The following SHISA6 variants were observed in gnomAD, a reference collection of about 807,000 sequenced individuals.
SHISA6 encodes shisa family member 6.
A neutral mutation model predicts 47.9 loss-of-function variants in SHISA6; 22 were observed. That is an observed-to-expected ratio of 0.46 (90% CI 0.33 to 0.66). SHISA6 has a LOEUF of 0.66. Among genes scored for constraint, SHISA6 ranks in the 30% least tolerant of loss-of-function variants. The pLI, the probability that SHISA6 is intolerant of heterozygous loss-of-function variation, is 0.02. For synonymous variants in SHISA6, 388 were observed against 337.8 expected (o/e 1.15, Z -1.63); for missense variants, 680 against 764.6 (o/e 0.89, Z 1.30).
At chr17:11,538,490 A>G (rs546445377) in intron 3 of SHISA6, among the ~76,000 whole-genome samples, 72 of 152,242 alleles carry the variant, frequency 4.7e-4, no homozygotes, top group Non-Finnish European at 9.0e-4. Context: ...GCAGAAGGAA[A>G]CCAGTCCGTG....
intron 2 of SHISA6, among the ~76,000 whole-genome samples, chr17:11,361,055 T>G (rs965082485): frequency 4.6e-4 from 40 of 86,682 alleles, no homozygotes; most frequent in East Asian, 1.6e-3. Flanking sequence ...GTTTTTTTTT[T>G]TGTGTGTGTG....
intron 3 of SHISA6, among the ~76,000 whole-genome samples, chr17:11,468,620 A>G (rs1029848068): frequency 2.0e-5 from 3 of 152,198 alleles, no homozygotes; most frequent in African/African-American, 7.2e-5. Flanking sequence ...CCCGATTCTC[A>G]CTGGAGAGAA....
At chr17:11,418,920 T>C (rs1411352611) in intron 3 of SHISA6, among the ~76,000 whole-genome samples, 2 of 152,192 alleles carry the variant, frequency 1.3e-5, no homozygotes, top group African/African-American at 4.8e-5. Context: ...TGCCTGTCTT[T>C]CCATTCCTCT....
chr17:11,260,779 C>T lies in SHISA6; in HGVS notation c.639-2587C>T, dbSNP rs564619201. On this transcript the variant is annotated intron_variant, in intron 1 of 5. Coordinates refer to ENST00000441885, the MANE Select transcript of SHISA6 (RefSeq NM_207386.4). ...CTTGGCTCCATCTCCCATTTCTCTC[C>T]TCTCTCCACCTGTTTTCTCTCCTCT... Among the ~76,000 whole-genome samples the T allele has an allele frequency of 7.2e-5, 11 of 152,114 alleles. No homozygotes were observed. In the East Asian group the frequency reaches 1.2e-3, roughly 16 times the overall value.
chr17:11,298,647 T>C (rs1909828168), intron 2 of SHISA6, among the ~76,000 whole-genome samples: 4 of 152,068 alleles, frequency 2.6e-5, no homozygotes, highest in Admixed American at 2.6e-4. Context: ...AGTGTTGCAG[T>C]GGGGTGTTTG....
At chr17:11,462,850 A>T (rs1046368100) in intron 3 of SHISA6, among the ~76,000 whole-genome samples, 2 of 152,160 alleles carry the variant, frequency 1.3e-5, no homozygotes, top group African/African-American at 4.8e-5. Context: ...CTGGTCTCGA[A>T]CTTCTGACTT....
chr17:11,243,818 C>T (rs779360485), intron 1 of SHISA6, among the ~76,000 whole-genome samples: 4 of 152,152 alleles, frequency 2.6e-5, no homozygotes, highest in East Asian at 1.9e-4. Flanking sequence ...TGACCACAGC[C>T]GCTTGCTCGT....
chr17:11,545,669 A>C (rs373553541), intron 3 of SHISA6, among the ~76,000 whole-genome samples: 1 of 152,210 alleles, frequency 6.6e-6, no homozygotes, highest in Non-Finnish European at 1.5e-5. Context: ...GCCAAGTTCA[A>C]TAGAGATGGC....
At chr17:11,303,602 G>C (rs1910003474) in intron 2 of SHISA6, among the ~76,000 whole-genome samples, 1 of 152,116 alleles carries the variant, frequency 6.6e-6, no homozygotes, top group South Asian at 2.1e-4. Context: ...CTGTAGGAGA[G>C]CCACACAGAA....
chr17:11,396,192 G>A (rs1238981631), intron 3 of SHISA6, among the ~76,000 whole-genome samples: 1 of 152,052 alleles, frequency 6.6e-6, no homozygotes, highest in Admixed American at 6.6e-5. Context: ...AATTTAAATG[G>A]ATTTCCTAAT....
chr17:11,378,595 C>G (rs1912896753), intron 2 of SHISA6, among the ~76,000 whole-genome samples: 1 of 152,162 alleles, frequency 6.6e-6, no homozygotes, highest in Non-Finnish European at 1.5e-5. Flanking sequence ...AAGCGTACTG[C>G]AAAATCCTAT....
intron 2 of SHISA6, among the ~76,000 whole-genome samples, chr17:11,350,166 A>ATTTTTT (rs1567581064): frequency 1.8e-5 from 2 of 110,908 alleles, no homozygotes; most frequent in African/African-American, 7.3e-5. Flanking sequence ...TAATTTATTT[A>ATTTTTT]TTTATTTATT....
chr17:11,261,114 A>AG (rs971072788), intron 1 of SHISA6, among the ~76,000 whole-genome samples: 2 of 126,940 alleles, frequency 1.6e-5, no homozygotes, highest in African/African-American at 3.0e-5. Context: ...CAGAGCAAGG[A>AG]GGGGGGTCAC....
chr17:11,347,609 A>G (rs1051149865), intron 2 of SHISA6, among the ~76,000 whole-genome samples: 1 of 152,238 alleles, frequency 6.6e-6, no homozygotes, highest in Non-Finnish European at 1.5e-5. Context: ...GCCTAAGGTC[A>G]AATAGAAAGT....
At chr17:11,411,370 A>G (rs912215643) in intron 3 of SHISA6, among the ~76,000 whole-genome samples, 3 of 151,664 alleles carry the variant, frequency 2.0e-5, no homozygotes, top group African/African-American at 7.3e-5. Context: ...AGGCCCACAT[A>G]TTTATTTTAT....
chr17:11,490,744 T>A (rs779279053), intron 3 of SHISA6, among the ~76,000 whole-genome samples: 2 of 152,180 alleles, frequency 1.3e-5, no homozygotes, highest in Admixed American at 6.5e-5. Context: ...TCCTCCAGAT[T>A]GTGTGTAAAG....
At chr17:11,306,066 A>G (rs1310388924) in intron 2 of SHISA6, among the ~76,000 whole-genome samples, 1 of 152,186 alleles carries the variant, frequency 6.6e-6, no homozygotes, top group Non-Finnish European at 1.5e-5. Context: ...GAAGACCTGA[A>G]AAAATAGCTC....
At position 11,276,968 on chromosome 17, in the gene SHISA6, C is replaced by T. The variant is rs375945764; in HGVS notation, c.799+13442C>T. Among the ~76,000 whole-genome samples, 78 of 152,160 alleles carry T rather than the reference C, an allele frequency of 5.1e-4. 1 individual carries two copies. In the Middle Eastern group the frequency reaches 0.01, roughly 20 times the overall value. On this transcript the variant is annotated intron_variant, in intron 2 of 5. Transcript: ENST00000441885. ...TTCAGGATTTATTTGTAGGTATTTG[C>T]TAATGGATTGTATGGAGGGTACGAG... is the stretch of plus-strand genomic sequence containing the variant.
intron 2 of SHISA6, among the ~76,000 whole-genome samples, chr17:11,323,477 A>T (rs1455268721): frequency 2.0e-5 from 3 of 151,952 alleles, no homozygotes; most frequent in Non-Finnish European, 4.4e-5. Flanking sequence ...CAACATGGAG[A>T]AACCCCGTCT....
Sources: gnomAD v4.1 joint callset for allele counts (sites outside exome capture counted in the v4.1 genomes callset) on GRCh38, gnomAD v4.1.1 for gene constraint, MANE v1.5 for transcripts, NCBI Gene and HGNC (gene_info 2026-07-23, HGNC 2026-07-21) for gene names.